Variants in SBF2 observed in about 807,000 individuals in gnomAD.
SBF2 encodes the protein SET binding factor 2, also known as myotubularin-related protein 13.
In SBF2, 112 loss-of-function variants were observed where a neutral mutation model predicts 225.2. The ratio of observed to expected loss-of-function variants is 0.50; its 90% confidence interval spans 0.43 to 0.58. SBF2 has a LOEUF of 0.58. Among genes scored for constraint, SBF2 ranks in the 20% least tolerant of loss-of-function variants. SBF2 has a pLI of 0.00. For missense variants in SBF2, 1,996 were observed against 2,206.2 expected (o/e 0.90, Z 1.91); for synonymous variants, 763 against 773.3 (o/e 0.99, Z 0.22).
At chr11:9,847,263 TGACTTAC>T (rs368635120) in intron 22 of SBF2, among the ~76,000 whole-genome samples, 180 bp from the exon 23 acceptor site, 2 of 152,260 alleles carry the variant, frequency 1.3e-5, no homozygotes, top group African/African-American at 4.8e-5. Flanking sequence ...GAGTGGCAAG[TGACTTAC>T]ATTTCACACA....
intron 28 of SBF2, among the ~76,000 whole-genome samples, chr11:9,817,922 A>G (rs752872581): frequency 3.3e-5 from 5 of 152,078 alleles, no homozygotes; most frequent in Non-Finnish European, 5.9e-5. Context: ...AAATGAATAA[A>G]ATGTACAGTC....
chr11:10,047,810 T>C (rs897764008), intron 2 of SBF2, among the ~76,000 whole-genome samples: 2 of 152,170 alleles, frequency 1.3e-5, no homozygotes, highest in Non-Finnish European at 2.9e-5. Flanking sequence ...AACATTTCTA[T>C]TACATATTTA....
chr11:10,147,513 G>T (rs146093363), intron 2 of SBF2, among the ~76,000 whole-genome samples: 4 of 152,002 alleles, frequency 2.6e-5, no homozygotes, highest in Admixed American at 2.6e-4. Flanking sequence ...GGAGCTAAAC[G>T]ATGAGAACCT....
At chr11:9,963,713 G>C (rs1866727763) in intron 15 of SBF2, 60 bp downstream of exon 15, 1 of 803,664 alleles carries the variant, frequency 1.2e-6, no homozygotes, top group Non-Finnish European at 2.1e-6. Flanking sequence ...GGTAACCTCA[G>C]CACGTAAATC....
chr11:10,237,783 C>T (rs1009710341), intron 1 of SBF2, among the ~76,000 whole-genome samples: 1 of 152,208 alleles, frequency 6.6e-6, no homozygotes, highest in African/African-American at 2.4e-5. Context: ...TACCCTAGTA[C>T]TCCACATTCC....
rs573547322 is a variant in SBF2 at position 10,097,945 on chromosome 11, T to C, written c.142-54964A>G. Among the ~76,000 whole-genome samples, 5 of 151,768 alleles carry C rather than the reference T, an allele frequency of 3.3e-5. No homozygotes were observed. In the South Asian group the frequency reaches 6.3e-4, roughly 19 times the overall value. On this transcript the variant is annotated intron_variant, in intron 2 of 39. Transcript: ENST00000256190. Reference sequence around the variant, plus strand: ...CACACAGAAGACTCGGAGGAGAAGCTAGAAACAGGAGAAAAGGGTGGGGAC... The same window carrying C: ...CACACAGAAGACTCGGAGGAGAAGCCAGAAACAGGAGAAAAGGGTGGGGAC...
chr11:10,004,094 T>C (rs370637451), intron 6 of SBF2, among the ~76,000 whole-genome samples: 4 of 152,202 alleles, frequency 2.6e-5, no homozygotes, highest in South Asian at 4.1e-4. Context: ...TTAATCTTCA[T>C]TCATTTTCAC....
intron 1 of SBF2, among the ~76,000 whole-genome samples, chr11:10,247,077 T>G (rs1231702019): frequency 6.6e-6 from 1 of 152,084 alleles, no homozygotes; most frequent in Non-Finnish European, 1.5e-5. Flanking sequence ...TAAGACCCTG[T>G]CTTTAAAAAA....
chr11:9,984,857 G>C (rs1250246079), intron 13 of SBF2, among the ~76,000 whole-genome samples: 1 of 152,152 alleles, frequency 6.6e-6, no homozygotes, highest in Non-Finnish European at 1.5e-5. Context: ...GAAAGATACA[G>C]TCATTTTTCA....
intron 17 of SBF2, among the ~76,000 whole-genome samples, chr11:9,859,198 C>T (rs1857534992): frequency 6.6e-6 from 1 of 152,104 alleles, no homozygotes. Flanking sequence ...TTTTATAACA[C>T]CAAATTGTCT....
In SBF2 at chr11:9,885,277, C is replaced by A. The variant is rs867560809; in HGVS notation, c.1929+10666G>T. 0.018 allele frequency among the ~76,000 whole-genome samples: 1,364 copies of A among 74,638 alleles called. 65 individuals are homozygous for A. The East Asian group carries it at 0.21, about 11-fold the overall frequency. 49.0% of individuals were successfully genotyped at this position (74,638 alleles called of 152,430 possible). A position where few individuals can be genotyped will look rare whatever the true frequency, so the allele number is the denominator to read the frequency against. On this transcript the variant is annotated intron_variant, in intron 17 of 39. Transcript: ENST00000256190. ...AAAAAAAAAAAAAAAAAAAAAAAAACCCCACCCCCCCAAAAAAAACCCAGT... is the reference window on the plus strand; with the variant it reads ...AAAAAAAAAAAAAAAAAAAAAAAAAACCCACCCCCCCAAAAAAAACCCAGT...
intron 2 of SBF2, among the ~76,000 whole-genome samples, chr11:10,046,383 A>C (rs1949861092): frequency 1.3e-5 from 2 of 152,370 alleles, no homozygotes; most frequent in East Asian, 3.9e-4. Context: ...AATATTAGCA[A>C]GTTGAATTCA....
chr11:10,297,781 GT>G (rs1177228678), upstream of SBF2, among the ~76,000 whole-genome samples: 1 of 152,180 alleles, frequency 6.6e-6, no homozygotes, highest in Non-Finnish European at 1.5e-5. Flanking sequence ...CATATCCTAG[GT>G]ACATGTAGAA....
chr11:9,905,760 A>G (rs1427322126), intron 16 of SBF2, among the ~76,000 whole-genome samples: 1 of 152,190 alleles, frequency 6.6e-6, no homozygotes, highest in East Asian at 1.9e-4. Context: ...AAAAAGAGTG[A>G]CTGTTAAAAC....
intron 2 of SBF2, among the ~76,000 whole-genome samples, chr11:10,062,316 T>C (rs1950480503): frequency 6.6e-6 from 1 of 152,074 alleles, no homozygotes; most frequent in South Asian, 2.1e-4. Context: ...AAACCAATTG[T>C]AACAGAACCA....
intron 2 of SBF2, among the ~76,000 whole-genome samples, chr11:10,058,924 T>C (rs1248688941): frequency 2.0e-5 from 3 of 152,152 alleles, no homozygotes; most frequent in South Asian, 2.1e-4. Flanking sequence ...TCCTATATGA[T>C]GGAGAAATAC....
rs1473933818 is a variant in SBF2, at chr11:10,197,992, AGTCTTGAACCCCTCAAG to A, written c.56-4022_56-4006del. ...CATCTACAGTTCCTTTCCCCACTAA[AGTCTTGAACCCCTCAAG>A]GTCATCCATAAGGGTTGGAATCAAC... On this transcript the variant is annotated intron_variant, in intron 1 of 39. Coordinates refer to ENST00000256190, the MANE Select transcript of SBF2 (RefSeq NM_030962.4). Among the ~76,000 whole-genome samples, 23 of 152,292 alleles carry A rather than the reference AGTCTTGAACCCCTCAAG, an allele frequency of 1.5e-4. No individual in the cohort carries two copies. In the South Asian group the frequency reaches 2.3e-3, roughly 15 times the overall value.
intron 28 of SBF2, among the ~76,000 whole-genome samples, chr11:9,823,774 C>G (rs1315316851): frequency 6.6e-6 from 1 of 152,154 alleles, no homozygotes; most frequent in East Asian, 1.9e-4. Context: ...ATGACACTAT[C>G]AGAAGAAACA....
At chr11:9,884,170 G>C (rs1195211903) in intron 17 of SBF2, among the ~76,000 whole-genome samples, 2 of 152,252 alleles carry the variant, frequency 1.3e-5, no homozygotes, top group East Asian at 3.9e-4. Context: ...ATGGGTCCAG[G>C]TCAAAGGATT....
Sources: allele counts gnomAD v4.1 joint callset (sites outside exome capture counted in the v4.1 genomes callset), GRCh38; gene constraint gnomAD v4.1.1; transcripts MANE v1.5; gene names NCBI Gene and HGNC (gene_info 2026-07-23, HGNC 2026-07-21).